The following STRADB variants were observed in gnomAD, a reference collection of about 807,000 sequenced individuals.
STRADB encodes STE20 related adaptor beta.
In STRADB, 34 loss-of-function variants were observed where a neutral mutation model predicts 52.1. That is an observed-to-expected ratio of 0.65 (90% confidence interval 0.50 to 0.87). The LOEUF (loss-of-function observed/expected upper bound fraction) is 0.87. Ranked by LOEUF, STRADB falls within the 40% of genes least tolerant of loss-of-function variation. The pLI is 0.00. For missense variants in STRADB, 340 were observed against 483.9 expected (o/e 0.70, Z 2.79); for synonymous variants, 133 against 174.5 (o/e 0.76, Z 1.87).
chr2:201,454,015 A>G (rs900593281), intron 1 of STRADB, among the ~76,000 whole-genome samples: 2 of 152,156 alleles, frequency 1.3e-5, no homozygotes, highest in Non-Finnish European at 1.5e-5. Flanking sequence ...CATCCTGCTC[A>G]CATATTTGTA....
intron 4 of STRADB, among the ~76,000 whole-genome samples, chr2:201,471,794 G>C (rs796596870): frequency 1.1e-4 from 17 of 152,252 alleles, no homozygotes; most frequent in African/African-American, 4.1e-4. Context: ...ACTGAACCAG[G>C]GTTTCTTGGG....
At chr2:201,455,139 A>G (rs1373656735) in intron 2 of STRADB, among the ~76,000 whole-genome samples, 1 of 152,204 alleles carries the variant, frequency 6.6e-6, no homozygotes, top group Non-Finnish European at 1.5e-5. Context: ...CACACCAGTT[A>G]GCTATGCCTT....
Position 201,477,621 on chromosome 2 carries a change from G to A in STRADB, c.551G>A (p.Ser184Asn), listed in dbSNP as rs1421616913. ...YLHQNGCIHR[S>N]IKASHILISG... is the part of the protein sequence containing the mutation. ...AGCATTGTTTCTTTTTGTTCTAGGA[G>A]TATTAAAGCCAGCCATATCCTCATT... Residue 184 changes from serine (S) to asparagine (N), a missense_variant and splice_region_variant, in exon 8 of 12, where the codon AGT becomes AAT. Ser to Asn is a conservative substitution (Grantham distance 46, BLOSUM62 1). Transcript: ENST00000194530. 1.2e-6 allele frequency: 2 copies of A among 1,602,472 alleles called. No individual in the cohort carries two copies. The highest frequency in any genetic ancestry group is 2.2e-5 in the South Asian group (2 of 90,716).
At chr2:201,465,616 A>G (rs1297128306) in intron 3 of STRADB, among the ~76,000 whole-genome samples, 1 of 152,198 alleles carries the variant, frequency 6.6e-6, no homozygotes, top group African/African-American at 2.4e-5. Context: ...CTAGTGTCTC[A>G]CTAGGTCATG....
At chr2:201,477,530 G>C in intron 7 of STRADB, 89 bp from the exon 8 acceptor site, 1 of 1,322,840 alleles carries the variant, frequency 7.6e-7, no homozygotes, top group African/African-American at 1.5e-5. Flanking sequence ...TAATTTCCAA[G>C]AGAATATATG....
rs199976216 is a variant in STRADB, at chr2:201,478,524, C to A, written c.993C>A (p.His331Gln). The A allele has an allele frequency of 1.9e-6, 3 of 1,614,002 alleles. No individual in the cohort carries two copies. In the East Asian group the frequency reaches 6.7e-5, roughly 36 times the overall value. The change falls in exon 10 of 12, where the codon CAC becomes CAA. Residue 331 changes from histidine to glutamine, a missense_variant. His to Gln is a conservative substitution (Grantham distance 24, BLOSUM62 0). Coordinates refer to ENST00000194530, the MANE Select transcript of STRADB (RefSeq NM_018571.6). ...ACACAGTAAATAGTGACCGATTACA[C>A]ACACCATCCTCAAAAACTTTCTCTC... is the stretch of plus-strand genomic sequence containing the variant. ...GTHTVNSDRL[H>Q]TPSSKTFSPA...
intron 2 of STRADB, among the ~76,000 whole-genome samples, chr2:201,456,576 CT>C (rs1186360623): frequency 7.4e-5 from 1 of 13,450 alleles, no homozygotes; most frequent in Non-Finnish European, 2.9e-4. Flanking sequence ...GAAATATTTA[CT>C]TTTTTTCCTT....
rs533315755 is a variant in STRADB at position 201,480,540 on chromosome 2, A to G, written c.*365A>G. 9 of 1,012,662 alleles carry G rather than the reference A, an allele frequency of 8.9e-6. No homozygotes were observed. The South Asian group carries it at 3.4e-4, about 38-fold the overall frequency. 62.7% of individuals were successfully genotyped at this position (1,012,662 alleles called of 1,614,324 possible). A position where few individuals can be genotyped will look rare whatever the true frequency, so the allele number is the denominator to read the frequency against. ...CTCAGAGGACAGTGCTTCCAAGTAC[A>G]TCTTCTCCCAGATTCTCTGGCCTTT... On this transcript the variant is annotated 3_prime_UTR_variant, in exon 12 of 12. Transcript: ENST00000194530.
chr2:201,479,660 T>A, intron 11 of STRADB, 129 bp downstream of exon 11: 1 of 949,190 alleles, frequency 1.1e-6, no homozygotes, highest in South Asian at 1.8e-5. Flanking sequence ...AAAATAAAGT[T>A]AAAAACAAGA....
chr2:201,470,957 C>T (rs953519089), intron 4 of STRADB, among the ~76,000 whole-genome samples: 10 of 152,188 alleles, frequency 6.6e-5, no homozygotes, highest in Non-Finnish European at 1.2e-4. Flanking sequence ...AGGACCAGGA[C>T]TGTGGAATAG....
At chr2:201,469,852 G>T in intron 3 of STRADB, 101 bp from the exon 4 acceptor site, 1 of 817,402 alleles carries the variant, frequency 1.2e-6, no homozygotes, top group South Asian at 1.6e-5. Context: ...CCTTCCTAAT[G>T]AGCACCTCTG....
chr2:201,456,700 A>C (rs912322250), intron 2 of STRADB, among the ~76,000 whole-genome samples: 3 of 152,226 alleles, frequency 2.0e-5, no homozygotes, highest in Non-Finnish European at 4.4e-5. Context: ...TCAAAGGAGC[A>C]GCATATGTAA....
intron 2 of STRADB, 106 bp from the exon 3 acceptor site, chr2:201,458,678 C>T: frequency 1.1e-6 from 1 of 900,648 alleles, no homozygotes; most frequent in Non-Finnish European, 1.7e-6. Context: ...AGTTGCCCTT[C>T]CTCTCTTTTC....
intron 3 of STRADB, among the ~76,000 whole-genome samples, chr2:201,464,512 C>G (rs1045459527): frequency 6.6e-6 from 1 of 152,192 alleles, no homozygotes; most frequent in Non-Finnish European, 1.5e-5. Context: ...CTGTTGCCAC[C>G]ACCACTAGGA....
At chr2:201,478,000 C>A (rs974260712) in intron 8 of STRADB, 87 bp from the exon 9 acceptor site, 3 of 1,273,098 alleles carry the variant, frequency 2.4e-6, no homozygotes, top group African/African-American at 3.0e-5. Flanking sequence ...CATTATTGTT[C>A]ACCATTCTTT....
intron 3 of STRADB, among the ~76,000 whole-genome samples, chr2:201,462,178 GTT>G (rs1952226210): frequency 6.6e-6 from 1 of 152,006 alleles, no homozygotes; most frequent in South Asian, 2.1e-4. Context: ...CTTTTTATAA[GTT>G]TTTCCTTGAA....
At chr2:201,452,342 T>C (rs1952058506) in intron 1 of STRADB, among the ~76,000 whole-genome samples, 2 of 152,222 alleles carry the variant, frequency 1.3e-5, no homozygotes, top group African/African-American at 2.4e-5. Context: ...ATCTGCCGCC[T>C]TCTGCAAGTT....
At chr2:201,477,549 C>G (rs961629674) in intron 7 of STRADB, 70 bp from the exon 8 acceptor site, 12 of 1,463,912 alleles carry the variant, frequency 8.2e-6, no homozygotes, top group Non-Finnish European at 1.1e-5. Flanking sequence ...TGGATTTGTT[C>G]CTGCCAGATT....
intron 11 of STRADB, among the ~76,000 whole-genome samples, chr2:201,479,753 A>G (rs184145948): frequency 1.3e-5 from 2 of 152,330 alleles, no homozygotes; most frequent in Admixed American, 1.3e-4. Flanking sequence ...ATGGACTATC[A>G]TCACATTACT....
Sources: gnomAD v4.1 joint callset for allele counts (sites outside exome capture counted in the v4.1 genomes callset) on GRCh38, gnomAD v4.1.1 for gene constraint, MANE v1.5 for transcripts, NCBI Gene and HGNC (gene_info 2026-07-23, HGNC 2026-07-21) for gene names.